Variants in PPP1R42 observed in about 807,000 individuals in gnomAD.
PPP1R42 encodes protein phosphatase 1 regulatory subunit 42.
Under a neutral mutation model 31.0 loss-of-function variants are expected in PPP1R42, and 34 were observed. The ratio of observed to expected loss-of-function variants is 1.10; its 90% CI spans 0.83 to 1.46. The LOEUF (loss-of-function observed/expected upper bound fraction) is 1.46. PPP1R42 is among the 40% of genes most tolerant of loss of function. PPP1R42 has a pLI of 0.00. For missense variants in PPP1R42, 268 were observed against 303.0 expected, an observed-to-expected ratio of 0.88 and a Z score of 0.86; for synonymous variants, 103 against 109.8, an observed-to-expected ratio of 0.94 and a Z score of 0.39.
At chr8:66,966,536 C>T (rs894043363) in intron 7 of PPP1R42, among the ~76,000 whole-genome samples, 13 of 152,092 alleles carry the variant, frequency 8.5e-5, no homozygotes, top group Non-Finnish European at 1.8e-4. Flanking sequence ...CTGTAATCCC[C>T]CCACTTTGGG....
chr8:66,988,482 C>T lies in PPP1R42; in HGVS notation c.588G>A (p.Leu196=). Residue 196 remains leucine (L), a synonymous_variant, in exon 6 of 8, where the codon CTG becomes CTA. Transcript: ENST00000685739. ...GATTTCCATTTAGATCAATTTTCCA[C>T]AGCTTCATCAACTTGTTCAGTAAAA... ...LEFLLNKLMK[L]WKIDLNGNPV... 1 of 1,611,604 alleles carries T rather than the reference C, an allele frequency of 6.2e-7. No individual in the cohort carries two copies. Among genetic ancestry groups the T allele is most frequent in the South Asian group, 1.1e-5 (1 of 90,630 alleles).
chr8:67,005,367 C>G (rs900029663), intron 5 of PPP1R42, among the ~76,000 whole-genome samples: 1 of 152,098 alleles, frequency 6.6e-6, no homozygotes, highest in Non-Finnish European at 1.5e-5. Context: ...TCTCTAAATA[C>G]TGGAGTGTTT....
At chr8:66,994,312 A>T (rs897841837) in intron 5 of PPP1R42, among the ~76,000 whole-genome samples, 1 of 152,196 alleles carries the variant, frequency 6.6e-6, no homozygotes, top group African/African-American at 2.4e-5. Flanking sequence ...TAGGACCCTC[A>T]GTAAGCTAGG....
At chr8:66,999,541 G>C (rs973977762) in intron 5 of PPP1R42, among the ~76,000 whole-genome samples, 4 of 152,094 alleles carry the variant, frequency 2.6e-5, no homozygotes, top group African/African-American at 7.2e-5. Context: ...TAGAGATGGG[G>C]TCTCCCCACA....
At chr8:67,013,566 G>A (rs1815909313) in intron 3 of PPP1R42, among the ~76,000 whole-genome samples, 3 of 139,386 alleles carry the variant, frequency 2.2e-5, no homozygotes, top group Admixed American at 7.1e-5. Flanking sequence ...AAATAAATAA[G>A]CAAGCCAGTC....
chr8:66,984,613 C>T, intron 6 of PPP1R42: 2 of 1,220,100 alleles, frequency 1.6e-6, no homozygotes, highest in South Asian at 2.4e-5. Flanking sequence ...CGTGTACCCC[C>T]TGTGAAATGT....
At chr8:66,985,963 G>A (rs1814997102) in intron 6 of PPP1R42, 3 of 755,938 alleles carry the variant, frequency 4.0e-6, no homozygotes, top group East Asian at 2.5e-5. Context: ...TTTAGCTTTC[G>A]TTTTCTGCTT....
intron 5 of PPP1R42, among the ~76,000 whole-genome samples, chr8:67,002,721 C>CT (rs200088897): frequency 6.0e-3 from 554 of 91,710 alleles, no homozygotes; most frequent in African/African-American, 0.012. Flanking sequence ...GTTGCCCCCG[C>CT]TTTTTTTTTT....
At chr8:67,027,980 A>G (rs1816453257) in intron 1 of PPP1R42, among the ~76,000 whole-genome samples, 1 of 151,848 alleles carries the variant, frequency 6.6e-6, no homozygotes, top group Admixed American at 6.6e-5. Flanking sequence ...GTTGTTTTCC[A>G]GCTTTTCGGT....
At chr8:67,017,039 TGTA>T (rs1816036787) in intron 2 of PPP1R42, among the ~76,000 whole-genome samples, 1 of 152,186 alleles carries the variant, frequency 6.6e-6, no homozygotes, top group African/African-American at 2.4e-5. Context: ...TATACAGTGT[TGTA>T]GGAGAACTGT....
At chr8:67,020,221 A>G (rs1816171644) in intron 1 of PPP1R42, among the ~76,000 whole-genome samples, 1 of 151,668 alleles carries the variant, frequency 6.6e-6, no homozygotes, top group South Asian at 2.1e-4. Flanking sequence ...GTTTTTTTTG[A>G]TATGAAGTCT....
rs780694590 is a variant in PPP1R42 at position 66,984,744 on chromosome 8, C to T, written c.671-2564G>A. On this transcript the variant is annotated intron_variant, in intron 6 of 7. Transcript: ENST00000685739. ...GAGCTGTGACATGGGCTTCTACCTT[C>T]GTGGGGTCTTGAACAGCTTCTGTTC... 3.4e-5 allele frequency: 55 copies of T among 1,608,356 alleles called. 1 individual carries two copies. The highest frequency in any genetic ancestry group is 4.4e-5 in the Non-Finnish European group (52 of 1,175,984).
chr8:67,004,944 C>G (rs1208086127), intron 5 of PPP1R42, among the ~76,000 whole-genome samples: 1 of 152,118 alleles, frequency 6.6e-6, no homozygotes, highest in East Asian at 1.9e-4. Context: ...TTCTCTTGAG[C>G]TAGTCAGTTT....
chr8:66,979,935 A>C (rs760252051), intron 7 of PPP1R42, among the ~76,000 whole-genome samples: 1 of 152,134 alleles, frequency 6.6e-6, no homozygotes, highest in Non-Finnish European at 1.5e-5. Flanking sequence ...AATGAAAGAA[A>C]CTACATTATT....
intron 5 of PPP1R42, 32 bp from the exon 6 acceptor site, chr8:66,988,549 G>T: frequency 1.9e-6 from 3 of 1,568,910 alleles, no homozygotes; most frequent in Non-Finnish European, 2.6e-6. Flanking sequence ...CAAAGCACAA[G>T]CATTTCATAT....
intron 7 of PPP1R42, among the ~76,000 whole-genome samples, chr8:66,972,179 C>T (rs572836032): frequency 6.6e-6 from 1 of 152,228 alleles, no homozygotes; most frequent in South Asian, 2.1e-4. Context: ...TTGTATATTA[C>T]ATACGTGTAT....
intron 1 of PPP1R42, among the ~76,000 whole-genome samples, chr8:67,026,097 A>G (rs936895612): frequency 2.6e-5 from 4 of 151,816 alleles, no homozygotes; most frequent in African/African-American, 9.7e-5. Context: ...GCACTTTGGG[A>G]GGCCGAGGTG....
intron 5 of PPP1R42, among the ~76,000 whole-genome samples, chr8:66,997,800 C>T (rs1815376957): frequency 6.6e-6 from 1 of 152,024 alleles, no homozygotes; most frequent in African/African-American, 2.4e-5. Context: ...AATCCTCCTG[C>T]CTCATCCTCC....
chr8:67,005,361 T>C (rs1815641439), intron 5 of PPP1R42, among the ~76,000 whole-genome samples: 1 of 152,160 alleles, frequency 6.6e-6, no homozygotes, highest in Non-Finnish European at 1.5e-5. Flanking sequence ...AACTGATCTC[T>C]AAATACTGGA....
Sources: allele counts gnomAD v4.1 joint callset (sites outside exome capture counted in the v4.1 genomes callset), GRCh38; gene constraint gnomAD v4.1.1; transcripts MANE v1.5; gene names NCBI Gene and HGNC (gene_info 2026-07-23, HGNC 2026-07-21).